The following VPS37A variants were observed in gnomAD, a reference collection of about 807,000 sequenced individuals.
VPS37A encodes vacuolar protein sorting-associated protein 37A.
VPS37A carries 30 observed loss-of-function variants against 49.8 expected under a neutral mutation model. That is an observed-to-expected ratio of 0.60 (90% CI 0.45 to 0.82). The LOEUF (loss-of-function observed/expected upper bound fraction) is 0.82. Among genes scored for constraint, VPS37A ranks in the 40% least tolerant of loss-of-function variants. The pLI is 0.00. For synonymous variants in VPS37A, 195 were observed against 160.6 expected, an observed-to-expected ratio of 1.21 and a Z score of -1.62; for missense variants, 593 against 464.4, an observed-to-expected ratio of 1.28 and a Z score of -2.55.
At chr8:17,255,618 A>G (rs1278270416) in intron 1 of VPS37A, among the ~76,000 whole-genome samples, 2 of 152,220 alleles carry the variant, frequency 1.3e-5, no homozygotes, top group African/African-American at 4.8e-5. Context: ...ATCTTTTAAA[A>G]TTGATACATG....
intron 1 of VPS37A, among the ~76,000 whole-genome samples, chr8:17,256,568 A>C (rs1056097267): frequency 1.3e-5 from 2 of 151,650 alleles, no homozygotes; most frequent in Non-Finnish European, 2.9e-5. Flanking sequence ...TAGTTTACAA[A>C]AGTTTTCTCC....
chr8:17,284,745 T>G, intron 10 of VPS37A, 129 bp downstream of exon 10: 4 of 1,125,860 alleles, frequency 3.6e-6, no homozygotes, highest in Non-Finnish European at 4.8e-6. Flanking sequence ...ACAATATATT[T>G]ACCTGAAAGG....
the VPS37A span, among the ~76,000 whole-genome samples, chr8:17,319,253 G>C: frequency 6.6e-6 from 1 of 152,130 alleles, no homozygotes; most frequent in Non-Finnish European, 1.5e-5. Flanking sequence ...AATATAAAAT[G>C]GGGATAAAAA....
intron 5 of VPS37A, 120 bp from the exon 6 acceptor site, chr8:17,276,277 T>C: frequency 1.4e-6 from 1 of 738,952 alleles, no homozygotes; most frequent in South Asian, 2.1e-5. Flanking sequence ...GATGTGAAGA[T>C]GAAAATATGA....
chr8:17,268,756 C>T (rs1484547717), intron 3 of VPS37A, 100 bp from the exon 4 acceptor site: 3 of 794,806 alleles, frequency 3.8e-6, no homozygotes, highest in South Asian at 1.7e-5. Flanking sequence ...TAATTCTTGA[C>T]CTGCAAAAGT....
At position 17,279,936 on chromosome 8, in the gene VPS37A, C is replaced by G. The variant is rs759794482; in HGVS notation, c.714-92C>G. 4.6e-6 allele frequency: 7 copies of G among 1,523,838 alleles called. No homozygotes were observed. The Admixed American group carries it at 1.2e-4, about 26-fold the overall frequency. The allele number at this position is 1,523,838 out of a possible 1,614,324, so 94.4% of individuals were successfully genotyped here. On this transcript the variant is annotated intron_variant, in intron 6 of 11. Transcript: ENST00000324849. ...ATGTAAAAATTATTTAGAACCCTATCAGTTAACTAAAGCTGAAAAATTGTA... is the reference window on the plus strand; with the variant it reads ...ATGTAAAAATTATTTAGAACCCTATGAGTTAACTAAAGCTGAAAAATTGTA...
downstream of VPS37A, among the ~76,000 whole-genome samples, chr8:17,301,493 A>C (rs1231428956): frequency 6.6e-6 from 1 of 152,182 alleles, no homozygotes; most frequent in Non-Finnish European, 1.5e-5. Context: ...AAATATTAGC[A>C]TGGAAAATAA....
chr8:17,307,103 A>G (rs978685261), downstream of VPS37A, among the ~76,000 whole-genome samples: 12 of 152,184 alleles, frequency 7.9e-5, no homozygotes, highest in African/African-American at 2.4e-4. Context: ...TGAACAGGCA[A>G]CCTACAAAAT....
chr8:17,304,326 T>C (rs1817311236), downstream of VPS37A: 1 of 1,586,132 alleles, frequency 6.3e-7, no homozygotes, highest in African/African-American at 1.3e-5. Flanking sequence ...TGTTAAACGG[T>C]ACCAGAATCC....
downstream of VPS37A, chr8:17,300,112 G>T (rs201909678): frequency 6.2e-7 from 1 of 1,614,148 alleles, no homozygotes; most frequent in African/African-American, 1.3e-5. Flanking sequence ...ATCCTGGGGA[G>T]TGTTGGCTAT....
chr8:17,254,542 G>T (rs1413733537), intron 1 of VPS37A, among the ~76,000 whole-genome samples: 1 of 152,122 alleles, frequency 6.6e-6, no homozygotes, highest in East Asian at 1.9e-4. Flanking sequence ...CCTGGTTCAA[G>T]GGCTTAGAGG....
In VPS37A at chr8:17,247,063, G is replaced by C. The variant is rs1811285817; in HGVS notation, c.-182G>C. On this transcript the variant is annotated 5_prime_UTR_variant, in exon 1 of 12. Transcript: ENST00000324849. Reference sequence around the variant, plus strand: ...TTCCCTCTCCAGCCGCCCGCCGTTCGTAGCATGTCCCCCAGAACTCGGGGA... The same window carrying C: ...TTCCCTCTCCAGCCGCCCGCCGTTCCTAGCATGTCCCCCAGAACTCGGGGA... The C allele has an allele frequency of 7.8e-6, 6 of 764,774 alleles. No homozygotes were observed. The highest frequency in any genetic ancestry group is 1.8e-5 in the South Asian group (1 of 54,766). The allele number at this position is 764,774 out of a possible 1,614,324, so 47.4% of individuals were successfully genotyped here.
rs1815629350 is a variant in VPS37A at position 17,286,726 on chromosome 8, A to C, written c.*299A>C. The C allele has an allele frequency of 1.4e-5, 3 of 214,694 alleles. No homozygotes were observed. In the East Asian group the frequency reaches 3.1e-4, roughly 23 times the overall value. The allele number at this position is 214,694 out of a possible 1,614,324, so 13.3% of individuals were successfully genotyped here. ...TTCTCTCACCTGGTGTGTAGAGTATACCTTGTCATGTGGCTAACATTTCTC... is the reference window on the plus strand; with the variant it reads ...TTCTCTCACCTGGTGTGTAGAGTATCCCTTGTCATGTGGCTAACATTTCTC... On this transcript the variant is annotated intron_variant, in intron 11 of 11. Transcript: ENST00000324849.
At chr8:17,325,503 A>C in the VPS37A span, among the ~76,000 whole-genome samples, 1 of 152,126 alleles carries the variant, frequency 6.6e-6, no homozygotes. Context: ...GCCTGCTAAA[A>C]AGATTCCAGT....
At chr8:17,251,584 C>G (rs987949233) in intron 1 of VPS37A, among the ~76,000 whole-genome samples, 2 of 152,180 alleles carry the variant, frequency 1.3e-5, no homozygotes, top group East Asian at 1.9e-4. Context: ...TTATCTGTCT[C>G]TGGCAGAACT....
the VPS37A span, chr8:17,311,879 C>T: frequency 5.9e-6 from 3 of 505,282 alleles, no homozygotes; most frequent in Non-Finnish European, 1.1e-5. Context: ...CCAATAAGCG[C>T]ATGTACTTAC....
the VPS37A span, among the ~76,000 whole-genome samples, chr8:17,308,673 A>T: frequency 1.3e-5 from 2 of 152,342 alleles, no homozygotes; most frequent in South Asian, 4.1e-4. Flanking sequence ...ACAGGCATCA[A>T]CACTGACAAA....
the VPS37A span, among the ~76,000 whole-genome samples, chr8:17,327,641 TAAAA>T: frequency 6.7e-6 from 1 of 148,630 alleles, no homozygotes; most frequent in Non-Finnish European, 1.5e-5. Context: ...AGAAACCTGG[TAAAA>T]AAAAAAACTA....
intron 4 of VPS37A, chr8:17,271,988 T>C (rs1414886415): frequency 2.2e-6 from 1 of 456,762 alleles, no homozygotes; most frequent in East Asian, 6.9e-5. Context: ...CACATTTTAC[T>C]ACAGCCAGCT....
Sources: allele counts gnomAD v4.1 joint callset (sites outside exome capture counted in the v4.1 genomes callset), GRCh38; gene constraint gnomAD v4.1.1; transcripts MANE v1.5; gene names NCBI Gene and HGNC (gene_info 2026-07-23, HGNC 2026-07-21).